The following VEGFC variants were observed in gnomAD, a reference collection of about 807,000 sequenced individuals.
The protein encoded by VEGFC is FLT4 ligand DHM.
VEGFC carries 12 observed loss-of-function variants against 46.1 expected under a neutral mutation model. The ratio of observed to expected loss-of-function variants is 0.26; its 90% confidence interval spans 0.17 to 0.42. VEGFC has a LOEUF of 0.42. Ranked by LOEUF, VEGFC falls within the 10% of genes least tolerant of loss-of-function variation. The probability of loss-of-function intolerance (pLI) is 1.00; values close to 1 mark genes in which losing one functional copy is unlikely to be tolerated. For missense variants in VEGFC, 488 were observed against 529.4 expected, an observed-to-expected ratio of 0.92 and a Z score of 0.77; for synonymous variants, 232 against 195.5, an observed-to-expected ratio of 1.19 and a Z score of -1.56.
At chr4:176,737,083 T>C (rs1010676028) in intron 1 of VEGFC, among the ~76,000 whole-genome samples, 5 of 150,690 alleles carry the variant, frequency 3.3e-5, no homozygotes, top group Non-Finnish European at 7.4e-5. Context: ...CTGATAATAT[T>C]AATGAAAAGA....
At chr4:176,693,829 T>A (rs1734256293) in intron 4 of VEGFC, among the ~76,000 whole-genome samples, 1 of 147,260 alleles carries the variant, frequency 6.8e-6, no homozygotes. Flanking sequence ...TATTCAACAT[T>A]CTTAAAGAAA....
At chr4:176,742,276 C>T (rs78731227) in intron 1 of VEGFC, among the ~76,000 whole-genome samples, 3,287 of 152,110 alleles carry the variant, frequency 0.022, 54 homozygotes, top group Non-Finnish European at 0.031. Context: ...CATCCTTTTA[C>T]GGACGCATAG....
At chr4:176,765,662 T>G (rs113202886) in intron 1 of VEGFC, among the ~76,000 whole-genome samples, 2,885 of 151,560 alleles carry the variant, frequency 0.019, 89 homozygotes, top group African/African-American at 0.065. Flanking sequence ...TTCACGCCAT[T>G]CTCCTGCCTC....
At chr4:176,711,718 T>TG in intron 3 of VEGFC, 68 bp from the exon 4 acceptor site, 4 of 1,527,818 alleles carry the variant, frequency 2.6e-6, no homozygotes, top group Non-Finnish European at 3.6e-6. Context: ...TGGTAAATAT[T>TG]GGAGTCCGAA....
chr4:176,787,313 C>T (rs576456726), intron 1 of VEGFC, among the ~76,000 whole-genome samples: 1 of 151,958 alleles, frequency 6.6e-6, no homozygotes, highest in Non-Finnish European at 1.5e-5. Flanking sequence ...AAAAATTAGC[C>T]TGCTCTAGTG....
At chr4:176,717,061 T>C (rs1414491011) in intron 3 of VEGFC, among the ~76,000 whole-genome samples, 2 of 152,168 alleles carry the variant, frequency 1.3e-5, no homozygotes, top group Non-Finnish European at 2.9e-5. Flanking sequence ...ATTTGATATT[T>C]TGAAAATTAT....
chr4:176,725,913 C>A (rs1734867415), intron 3 of VEGFC, among the ~76,000 whole-genome samples: 1 of 151,906 alleles, frequency 6.6e-6, no homozygotes, highest in African/African-American at 2.4e-5. Flanking sequence ...CTAAGTATTT[C>A]TATTTAATTT....
rs1736121167 is a variant in VEGFC at position 176,792,534 on chromosome 4, C to CGGGGAA, written c.-224_-223insTTCCCC. 4 of 397,772 alleles carry CGGGGAA rather than the reference C, an allele frequency of 1.0e-5. No individual in the cohort carries two copies. The highest frequency in any genetic ancestry group is 1.8e-5 in the Non-Finnish European group (4 of 226,540). The allele number at this position is 397,772 out of a possible 1,614,324, so 24.6% of individuals were successfully genotyped here. A position where few individuals can be genotyped will look rare whatever the true frequency, so the allele number is the denominator to read the frequency against. ...AGTGCCGGGGAAAGGCGGCGGGTGT[C>CGGGGAA]AGGTAAAAGCCTCACAGGAAACCGG... On this transcript the variant is annotated 5_prime_UTR_variant, in exon 1 of 7. The change abolishes the stop of an existing upstream ORF in the 5' untranslated region. Coordinates refer to ENST00000618562, the MANE Select transcript of VEGFC (RefSeq NM_005429.5). The surrounding 1 kb of genome is among the most constrained non-coding windows in gnomAD (Gnocchi z 6.3).
rs148798500 is a variant in VEGFC, at chr4:176,723,253, T to A, written c.552+4525A>T. On this transcript the variant is annotated intron_variant, in intron 3 of 6. Coordinates refer to ENST00000618562, the MANE Select transcript of VEGFC (RefSeq NM_005429.5). ...TATATCTCATCTAGTCATCTGGATA[T>A]CTAGATATAGATATAGATAGATATG... Among the ~76,000 whole-genome samples the A allele has an allele frequency of 1.1e-3, 165 of 152,228 alleles. 2 individuals carry two copies. The East Asian group carries it at 0.03, about 28-fold the overall frequency.
chr4:176,780,218 A>G (rs977385715), intron 1 of VEGFC, among the ~76,000 whole-genome samples: 5 of 152,040 alleles, frequency 3.3e-5, no homozygotes, highest in African/African-American at 1.2e-4. Context: ...AGTCTCTACT[A>G]AATAATACAA....
intron 1 of VEGFC, among the ~76,000 whole-genome samples, chr4:176,776,941 T>C (rs992125987): frequency 3.9e-5 from 6 of 152,198 alleles, no homozygotes; most frequent in Admixed American, 1.3e-4. Context: ...CAGTAAGTGT[T>C]GTATTGTTCT....
intron 3 of VEGFC, among the ~76,000 whole-genome samples, chr4:176,712,540 A>C (rs1170720790): frequency 6.6e-6 from 1 of 152,164 alleles, no homozygotes; most frequent in African/African-American, 2.4e-5. Flanking sequence ...TAAAAGTGAA[A>C]TCTTGCCCAC....
intron 1 of VEGFC, among the ~76,000 whole-genome samples, chr4:176,786,472 C>G (rs1736004125): frequency 6.6e-6 from 1 of 152,224 alleles, no homozygotes; most frequent in African/African-American, 2.4e-5. Context: ...CATTGGGTCT[C>G]ATATCATTCC....
At position 176,762,705 on chromosome 4, in the gene VEGFC, C is replaced by T. The variant is rs192627823; in HGVS notation, c.147+29460G>A. ...ATATGTTTAAACATATGTGTGTCTG[C>T]ATATAAAGATCTATTAAGAAGGTAA... On this transcript the variant is annotated intron_variant, in intron 1 of 6. Coordinates refer to ENST00000618562, the MANE Select transcript of VEGFC (RefSeq NM_005429.5). Among the ~76,000 whole-genome samples the T allele has an allele frequency of 4.2e-4, 64 of 152,250 alleles. 1 individual carries two copies. In the East Asian group the frequency reaches 0.011, roughly 27 times the overall value.
intron 3 of VEGFC, among the ~76,000 whole-genome samples, chr4:176,718,239 A>G (rs1247172913): frequency 2.6e-5 from 4 of 151,238 alleles, no homozygotes; most frequent in Non-Finnish European, 4.4e-5. Context: ...TGTGCTTGCC[A>G]AATATTAACT....
chr4:176,712,463 T>C (rs1734635185), intron 3 of VEGFC, among the ~76,000 whole-genome samples: 2 of 152,202 alleles, frequency 1.3e-5, no homozygotes, highest in Non-Finnish European at 2.9e-5. Context: ...CATCATTGAT[T>C]AAGTAAAACT....
At chr4:176,790,042 T>C (rs1736064701) in intron 1 of VEGFC, among the ~76,000 whole-genome samples, 1 of 152,220 alleles carries the variant, frequency 6.6e-6, no homozygotes, top group Non-Finnish European at 1.5e-5. Flanking sequence ...AGTGCTTAAA[T>C]CTAAATGTGG....
chr4:176,737,254 A>AC (rs1735071300), intron 1 of VEGFC, among the ~76,000 whole-genome samples: 1 of 139,544 alleles, frequency 7.2e-6, no homozygotes, highest in African/African-American at 2.5e-5. Context: ...ATTAATGTTA[A>AC]ATGTTAATAA....
At chr4:176,701,809 A>G (rs1427474965) in intron 4 of VEGFC, among the ~76,000 whole-genome samples, 1 of 152,190 alleles carries the variant, frequency 6.6e-6, no homozygotes, top group Non-Finnish European at 1.5e-5. Flanking sequence ...CTAAAGATGC[A>G]TGTTTTAAAA....
Sources: allele counts gnomAD v4.1 joint callset (sites outside exome capture counted in the v4.1 genomes callset), GRCh38; gene constraint gnomAD v4.1.1; non-coding constraint Gnocchi (gnomAD v3.1); transcripts MANE v1.5; gene names NCBI Gene and HGNC (gene_info 2026-07-23, HGNC 2026-07-21).